The following LGSN variants were observed in gnomAD, a reference collection of about 807,000 sequenced individuals.
The protein encoded by LGSN is lengsin.
Under a neutral mutation model 19.5 loss-of-function variants are expected in LGSN, and 21 were observed. The observed-to-expected ratio is 1.07, with a 90% CI of 0.76 to 1.55. The LOEUF is 1.55. Among genes scored for constraint, LGSN ranks in the 40% most tolerant of loss-of-function variants. The probability of loss-of-function intolerance (pLI) is 0.00; values close to 1 mark genes in which losing one functional copy is unlikely to be tolerated. For synonymous variants in LGSN, 257 were observed against 215.6 expected (o/e 1.19, Z -1.68); for missense variants, 673 against 608.5 (o/e 1.11, Z -1.12).
chr6:63,449,928 A>G, the LGSN span, among the ~76,000 whole-genome samples: 2 of 152,136 alleles, frequency 1.3e-5, no homozygotes, highest in Non-Finnish European at 2.9e-5. Flanking sequence ...ATGAAAACAT[A>G]CCCTTTTTAG....
chr6:63,377,403 A>G, the LGSN span, among the ~76,000 whole-genome samples: 4 of 151,944 alleles, frequency 2.6e-5, no homozygotes, highest in African/African-American at 9.7e-5. Flanking sequence ...TGCCTCCCTC[A>G]CTCCACCTTT....
chr6:63,399,394 A>ATTTT, the LGSN span, among the ~76,000 whole-genome samples: 20 of 140,768 alleles, frequency 1.4e-4, no homozygotes, highest in African/African-American at 4.0e-4. Context: ...AACAGTACTA[A>ATTTT]TTTTTTTTTT....
the LGSN span, among the ~76,000 whole-genome samples, chr6:63,432,162 A>G: frequency 7.0e-5 from 8 of 114,466 alleles, no homozygotes; most frequent in African/African-American, 2.7e-4. Flanking sequence ...AGAAAGAAAG[A>G]AAGAAAGAAA....
At chr6:63,488,076 G>A in the LGSN span, among the ~76,000 whole-genome samples, 4 of 151,880 alleles carry the variant, frequency 2.6e-5, no homozygotes, top group Non-Finnish European at 5.9e-5. Context: ...AACCAATACT[G>A]CACATCAGGG....
chr6:63,331,514 C>A, the LGSN span, among the ~76,000 whole-genome samples: 2 of 152,108 alleles, frequency 1.3e-5, no homozygotes, highest in African/African-American at 4.8e-5. Context: ...TGAGTGTTTC[C>A]CATCTGAAAG....
At chr6:63,384,489 TTGTGTGTGTGTGTGTGTGTGTG>T in the LGSN span, among the ~76,000 whole-genome samples, 2 of 131,500 alleles carry the variant, frequency 1.5e-5, no homozygotes, top group Non-Finnish European at 3.2e-5. Context: ...AAATAACACC[TTGTGTGTGTGTGTGTGTGTGTG>T]TGTGTGTGTG....
chr6:63,295,360 T>C (rs1374816092), intron 1 of LGSN, among the ~76,000 whole-genome samples: 1 of 152,178 alleles, frequency 6.6e-6, no homozygotes, highest in Non-Finnish European at 1.5e-5. Flanking sequence ...ATATTATTTA[T>C]TCCTCAATAA....
intron 1 of LGSN, among the ~76,000 whole-genome samples, chr6:63,296,403 G>T (rs1002258331): frequency 2.0e-5 from 3 of 151,494 alleles, no homozygotes; most frequent in Non-Finnish European, 2.9e-5. Context: ...AAGCTTTATT[G>T]TACATGTTCA....
intron 1 of LGSN, among the ~76,000 whole-genome samples, chr6:63,313,932 T>A: frequency 6.6e-6 from 1 of 150,462 alleles, no homozygotes. Context: ...ACATGCTTAA[T>A]GAAAGGAAAC....
the LGSN span, among the ~76,000 whole-genome samples, chr6:63,360,703 C>T: frequency 6.9e-3 from 1,046 of 152,292 alleles, 12 homozygotes; most frequent in African/African-American, 0.023. Flanking sequence ...GGTGAGGAGC[C>T]GTGTTCCTTT....
At chr6:63,344,651 G>C in the LGSN span, among the ~76,000 whole-genome samples, 2 of 152,038 alleles carry the variant, frequency 1.3e-5, no homozygotes, top group African/African-American at 4.8e-5. Flanking sequence ...AAGAATGCCT[G>C]GTGGGTCTGA....
chr6:63,360,472 T>C, the LGSN span, among the ~76,000 whole-genome samples: 3 of 152,254 alleles, frequency 2.0e-5, no homozygotes, highest in South Asian at 6.2e-4. Context: ...GGCTTGTGCA[T>C]TCATCACATA....
chr6:63,288,409 A>C (rs1475157548), intron 2 of LGSN, among the ~76,000 whole-genome samples: 1 of 151,920 alleles, frequency 6.6e-6, no homozygotes, highest in East Asian at 1.9e-4. Context: ...AGTATAGATA[A>C]TAAACATGCC....
upstream of LGSN, among the ~76,000 whole-genome samples, chr6:63,320,757 TTC>T (rs1769052558): frequency 6.6e-6 from 1 of 152,188 alleles, no homozygotes; most frequent in Non-Finnish European, 1.5e-5. Flanking sequence ...CCAAACCAAA[TTC>T]TCTCTAAGCA....
the LGSN span, among the ~76,000 whole-genome samples, chr6:63,370,227 C>G: frequency 6.6e-6 from 1 of 152,130 alleles, no homozygotes; most frequent in East Asian, 1.9e-4. Context: ...AGGTAGATCC[C>G]AGAACAGAGT....
At chr6:63,502,578 G>T in the LGSN span, among the ~76,000 whole-genome samples, 1 of 152,166 alleles carries the variant, frequency 6.6e-6, no homozygotes, top group African/African-American at 2.4e-5. Flanking sequence ...GATCGTTCAG[G>T]ATAATGATAC....
chr6:63,431,357 A>C, the LGSN span, among the ~76,000 whole-genome samples: 4 of 152,168 alleles, frequency 2.6e-5, no homozygotes, highest in Non-Finnish European at 4.4e-5. Context: ...GGCCAGGCAG[A>C]AGAGAAAGAG....
the LGSN span, among the ~76,000 whole-genome samples, chr6:63,543,142 C>T: frequency 6.6e-6 from 1 of 152,096 alleles, no homozygotes; most frequent in Non-Finnish European, 1.5e-5. Context: ...AATTAGAGTG[C>T]TCCTTTGAAG....
intron 1 of LGSN, among the ~76,000 whole-genome samples, chr6:63,299,847 C>G (rs1241642635): frequency 2.0e-5 from 3 of 151,824 alleles, no homozygotes; most frequent in Non-Finnish European, 4.4e-5. Context: ...TTTTCTGGGT[C>G]TACTGGTCAG....
Sources: gnomAD v4.1 joint callset for allele counts (sites outside exome capture counted in the v4.1 genomes callset) on GRCh38, gnomAD v4.1.1 for gene constraint, MANE v1.5 for transcripts, NCBI Gene and HGNC (gene_info 2026-07-23, HGNC 2026-07-21) for gene names.